Variants in MYL11 observed in about 807,000 individuals in gnomAD.
MYL11 encodes the protein myosin regulatory light chain 11.
chr16:30,376,663 G>A, the MYL11 span: 3 of 1,614,040 alleles, frequency 1.9e-6, no homozygotes, highest in Non-Finnish European at 2.5e-6. Context: ...TCAAGGTCTT[G>A]GACCCTGAGG....
chr16:30,376,646 G>A, the MYL11 span: 20 of 1,613,916 alleles, frequency 1.2e-5, no homozygotes, highest in East Asian at 6.7e-5. Flanking sequence ...TGTGATCACC[G>A]GAGCCTTCAA....
chr16:30,377,499 G>A, the MYL11 span: 1 of 662,414 alleles, frequency 1.5e-6, no homozygotes, highest in Non-Finnish European at 2.3e-6. Context: ...AATGTGGGCG[G>A]AGAGGGCAAA....
the MYL11 span, among the ~76,000 whole-genome samples, chr16:30,374,346 T>C: frequency 6.7e-6 from 1 of 149,760 alleles, no homozygotes; most frequent in Admixed American, 6.6e-5. Context: ...GGGGTCTCAC[T>C]ATGTTGCCCA....
chr16:30,373,928 T>C, the MYL11 span, among the ~76,000 whole-genome samples: 4 of 152,234 alleles, frequency 2.6e-5, 1 homozygote, highest in South Asian at 6.2e-4. Context: ...AGGGATTGTG[T>C]CTGCCAAAGT....
chr16:30,371,090 T>C, the MYL11 span: 1 of 152,234 alleles, frequency 6.6e-6, no homozygotes, highest in Non-Finnish European at 1.5e-5. Flanking sequence ...TCTCCCACTT[T>C]GGCCACAGGA....
the MYL11 span, among the ~76,000 whole-genome samples, chr16:30,373,733 A>G: frequency 5.3e-5 from 8 of 150,188 alleles, no homozygotes; most frequent in Admixed American, 4.7e-4. Context: ...TTGCACTCCC[A>G]CCTGGGTGAC....
At chr16:30,377,882 C>T in the MYL11 span, 1 of 1,612,834 alleles carries the variant, frequency 6.2e-7, no homozygotes, top group Non-Finnish European at 8.5e-7. Context: ...CGCACGGCGA[C>T]GCCAAGGACC....
At chr16:30,377,854 A>C in the MYL11 span, 1 of 1,614,068 alleles carries the variant, frequency 6.2e-7, no homozygotes, top group Non-Finnish European at 8.5e-7. Flanking sequence ...GACTACAAAA[A>C]CATCTGCTAC....
the MYL11 span, among the ~76,000 whole-genome samples, chr16:30,371,448 A>C: frequency 6.6e-6 from 1 of 151,550 alleles, no homozygotes. Flanking sequence ...CCCCCAACTA[A>C]CCCCAACACT....
At chr16:30,373,410 G>A in the MYL11 span, among the ~76,000 whole-genome samples, 3 of 152,086 alleles carry the variant, frequency 2.0e-5, no homozygotes, top group Non-Finnish European at 4.4e-5. Flanking sequence ...CCTGGCTAAC[G>A]CGGGGAAACC....
At chr16:30,373,793 A>T in the MYL11 span, among the ~76,000 whole-genome samples, 1 of 151,938 alleles carries the variant, frequency 6.6e-6, no homozygotes, top group Admixed American at 6.6e-5. Context: ...AAAAGAAAAA[A>T]AAATTCCCCT....
the MYL11 span, chr16:30,376,737 A>G: frequency 9.5e-6 from 15 of 1,579,678 alleles, no homozygotes; most frequent in Admixed American, 2.1e-4. Flanking sequence ...CCCTTCCCCC[A>G]CTCCACCAGC....
chr16:30,374,687 C>T, the MYL11 span: 39 of 695,298 alleles, frequency 5.6e-5, no homozygotes, highest in Admixed American at 6.7e-4. Context: ...AGGAGAGGCC[C>T]TGAGTTGGGC....
the MYL11 span, chr16:30,374,952 A>G: frequency 6.7e-7 from 1 of 1,483,060 alleles, no homozygotes; most frequent in Admixed American, 2.1e-5. Context: ...CCAGTCCAAC[A>G]AAAAGTTAAA....
chr16:30,372,138 T>C, the MYL11 span, among the ~76,000 whole-genome samples: 1 of 151,990 alleles, frequency 6.6e-6, no homozygotes, highest in Non-Finnish European at 1.5e-5. Context: ...CCATTCCCCT[T>C]TTTGGAGTCC....
At chr16:30,377,893 A>C in the MYL11 span, 6 of 1,608,336 alleles carry the variant, frequency 3.7e-6, no homozygotes, top group Non-Finnish European at 4.3e-6. Context: ...GCCAAGGACC[A>C]GGAGTAGGGG....
chr16:30,376,707 C>T, the MYL11 span: 7 of 1,612,400 alleles, frequency 4.3e-6, no homozygotes, highest in Non-Finnish European at 5.1e-6. Context: ...TTGTAAGCAT[C>T]GGCTCCCCCA....
chr16:30,376,327 CA>C, the MYL11 span: 1 of 1,547,698 alleles, frequency 6.5e-7, no homozygotes, highest in Non-Finnish European at 8.8e-7. Flanking sequence ...TCAGTCTACC[CA>C]GCTGAAAAAT....
the MYL11 span, among the ~76,000 whole-genome samples, chr16:30,371,939 G>A: frequency 6.6e-6 from 1 of 151,994 alleles, no homozygotes; most frequent in Non-Finnish European, 1.5e-5. Flanking sequence ...TTTCCATATA[G>A]CATCCACCAT....
Sources: gnomAD v4.1 joint callset for allele counts (sites outside exome capture counted in the v4.1 genomes callset) on GRCh38, gnomAD v4.1.1 for gene constraint, MANE v1.5 for transcripts, NCBI Gene and HGNC (gene_info 2026-07-23, HGNC 2026-07-21) for gene names.